Variants in ERBB4 observed in about 807,000 individuals in gnomAD.
ERBB4 encodes the protein erb-b2 receptor tyrosine kinase 4.
A neutral mutation model predicts 158.0 loss-of-function variants in ERBB4; 42 were observed. That is an observed-to-expected ratio of 0.27 (90% CI 0.21 to 0.34). The LOEUF is 0.34. Among genes scored for constraint, ERBB4 ranks in the 10% least tolerant of loss-of-function variants. The pLI is 1.00. For synonymous variants in ERBB4, 583 were observed against 558.7 expected (o/e 1.04, Z -0.61); for missense variants, 1,333 against 1,624.1 (o/e 0.82, Z 3.08).
Position 211,638,164 on chromosome 2 carries a change from T to A in ERBB4, c.1947-7570A>T, listed in dbSNP as rs186150423. On this transcript the variant is annotated intron_variant, in intron 16 of 27. Coordinates refer to ENST00000342788, the MANE Select transcript of ERBB4 (RefSeq NM_005235.3). ...TGAGAAAACAGTTAAAATGGTTTTCTTTTTTTTTTAACTTATATGGGATTT... is the reference window on the plus strand; with the variant it reads ...TGAGAAAACAGTTAAAATGGTTTTCATTTTTTTTTAACTTATATGGGATTT... 3.2e-4 allele frequency among the ~76,000 whole-genome samples: 45 copies of A among 139,466 alleles called. No individual in the cohort carries two copies. The East Asian group carries it at 8.8e-3, about 27-fold the overall frequency. 91.5% of individuals were successfully genotyped at this position (139,466 alleles called of 152,430 possible). A position where few individuals can be genotyped will look rare whatever the true frequency, so the allele number is the denominator to read the frequency against.
intron 2 of ERBB4, among the ~76,000 whole-genome samples, chr2:211,976,080 T>G (rs1210073865): frequency 2.0e-5 from 3 of 152,160 alleles, no homozygotes; most frequent in Admixed American, 1.3e-4. Context: ...GGCAGAGAAG[T>G]TTTATTTTCT....
At chr2:212,006,504 G>A (rs1328021556) in intron 2 of ERBB4, among the ~76,000 whole-genome samples, 1 of 151,904 alleles carries the variant, frequency 6.6e-6, no homozygotes, top group African/African-American at 2.4e-5. Flanking sequence ...AATATACCTA[G>A]GGAAAATAAC....
intron 19 of ERBB4, among the ~76,000 whole-genome samples, chr2:211,569,598 G>A (rs1036636288): frequency 6.6e-6 from 1 of 152,170 alleles, no homozygotes; most frequent in Non-Finnish European, 1.5e-5. Flanking sequence ...TAGATAAGGA[G>A]AGCCAGGAAA....
intron 25 of ERBB4, among the ~76,000 whole-genome samples, chr2:211,396,880 T>A (rs955752789): frequency 6.6e-6 from 1 of 152,202 alleles, no homozygotes; most frequent in African/African-American, 2.4e-5. Flanking sequence ...CTCTTTAAGC[T>A]ACCAGGTGGC....
intron 12 of ERBB4, among the ~76,000 whole-genome samples, chr2:211,689,175 A>G (rs1464059918): frequency 6.6e-6 from 1 of 152,130 alleles, no homozygotes; most frequent in Admixed American, 6.6e-5. Flanking sequence ...CTCTCATTCC[A>G]CAAAAGAAAT....
chr2:212,111,616 C>T (rs1354357876), intron 2 of ERBB4, among the ~76,000 whole-genome samples: 3 of 140,522 alleles, frequency 2.1e-5, no homozygotes, highest in African/African-American at 7.6e-5. Flanking sequence ...AGAATACCTT[C>T]TCCTTTTTCT....
intron 20 of ERBB4, among the ~76,000 whole-genome samples, chr2:211,468,932 A>AT (rs2064765560): frequency 6.6e-6 from 1 of 151,366 alleles, no homozygotes; most frequent in Admixed American, 6.6e-5. Context: ...AAAAAAAAAA[A>AT]ACCCTTAAAG....
intron 1 of ERBB4, among the ~76,000 whole-genome samples, chr2:212,476,134 C>T (rs548846235): frequency 2.2e-5 from 3 of 133,754 alleles, no homozygotes; most frequent in African/African-American, 6.2e-5. Flanking sequence ...CACATACATA[C>T]TCTCTCTCTC....
At chr2:212,525,915 C>T (rs1692420668) in intron 1 of ERBB4, among the ~76,000 whole-genome samples, 1 of 151,880 alleles carries the variant, frequency 6.6e-6, no homozygotes, top group African/African-American at 2.4e-5. Context: ...TAGTAAAACT[C>T]TTGAATACCA....
intron 1 of ERBB4, among the ~76,000 whole-genome samples, chr2:212,250,429 T>G (rs2084486978): frequency 6.6e-6 from 1 of 151,982 alleles, no homozygotes; most frequent in Admixed American, 6.6e-5. Context: ...TTTCTCTCAA[T>G]GACTTTTTAT....
chr2:212,381,055 A>C (rs1284076484), intron 1 of ERBB4, among the ~76,000 whole-genome samples: 1 of 151,392 alleles, frequency 6.6e-6, no homozygotes, highest in East Asian at 1.9e-4. Context: ...TCACCGAAAA[A>C]AGTCATAGTT....
chr2:211,815,038 T>G (rs932496957), intron 3 of ERBB4, among the ~76,000 whole-genome samples: 1 of 152,326 alleles, frequency 6.6e-6, no homozygotes, highest in South Asian at 2.1e-4. Context: ...TACCTCTTTT[T>G]CCTCTCAAAA....
chr2:212,219,983 T>C lies in ERBB4; in HGVS notation c.83-95080A>G, dbSNP rs563650296. On this transcript the variant is annotated intron_variant, in intron 1 of 27. Transcript: ENST00000342788. ...AAAAAAAAAAAAGTGGGATTTTTCA[T>C]CAGTGTTGCCAGAGGTGAAGGAAAT... is the stretch of plus-strand genomic sequence containing the variant. Among the ~76,000 whole-genome samples, 155 of 148,672 alleles carry C rather than the reference T, an allele frequency of 1.0e-3. 5 individuals carry two copies. Among genetic ancestry groups the C allele is most frequent in the Admixed American group, 0.01 (154 of 14,802 alleles).
intron 2 of ERBB4, among the ~76,000 whole-genome samples, chr2:212,042,132 C>A (rs1211668822): frequency 6.6e-6 from 1 of 151,940 alleles, no homozygotes; most frequent in African/African-American, 2.4e-5. Context: ...ATTTTGATTT[C>A]AAATTCAGTA....
At chr2:211,535,281 G>A (rs1364041597) in intron 20 of ERBB4, among the ~76,000 whole-genome samples, 1 of 152,028 alleles carries the variant, frequency 6.6e-6, no homozygotes, top group Non-Finnish European at 1.5e-5. Context: ...TGATAGGTAA[G>A]GCGTTCCTGG....
rs189084669 is a variant in ERBB4, at chr2:211,523,232, C to T, written c.2487+38671G>A. Among the ~76,000 whole-genome samples, 436 of 138,902 alleles carry T rather than the reference C, an allele frequency of 3.1e-3. 1 individual carries two copies. The highest frequency in any genetic ancestry group is 0.011 in the African/African-American group (418 of 37,626). The allele number at this position is 138,902 out of a possible 152,430, so 91.1% of individuals were successfully genotyped here. ...CTCACAGTATCTGGTTTTAACTTCACATTGCTAAAAGAGGCACTGAAGAGG... is the reference window on the plus strand; with the variant it reads ...CTCACAGTATCTGGTTTTAACTTCATATTGCTAAAAGAGGCACTGAAGAGG... On this transcript the variant is annotated intron_variant, in intron 20 of 27. Coordinates refer to ENST00000342788, the MANE Select transcript of ERBB4 (RefSeq NM_005235.3).
At chr2:211,658,381 A>T (rs1009565751) in intron 15 of ERBB4, among the ~76,000 whole-genome samples, 22 of 121,328 alleles carry the variant, frequency 1.8e-4, no homozygotes, top group African/African-American at 6.9e-4. Flanking sequence ...AAGTTTAAAT[A>T]AAAAAAAAAC....
chr2:211,445,008 C>T (rs78915516), intron 20 of ERBB4, among the ~76,000 whole-genome samples: 8 of 151,926 alleles, frequency 5.3e-5, no homozygotes, highest in Non-Finnish European at 1.0e-4. Context: ...ATAAAAAGCA[C>T]GTAAAAAGGA....
chr2:211,500,823 G>T (rs2065597017), intron 20 of ERBB4, among the ~76,000 whole-genome samples: 1 of 151,990 alleles, frequency 6.6e-6, no homozygotes, highest in African/African-American at 2.4e-5. Context: ...TGGTTTGCCA[G>T]GTCATTCTAA....
Sources: gnomAD v4.1 joint callset for allele counts (sites outside exome capture counted in the v4.1 genomes callset) on GRCh38, gnomAD v4.1.1 for gene constraint, MANE v1.5 for transcripts, NCBI Gene and HGNC (gene_info 2026-07-23, HGNC 2026-07-21) for gene names.